The following FGD4 variants were observed in gnomAD, a reference collection of about 807,000 sequenced individuals.
FGD4 encodes FYVE, RhoGEF and PH domain-containing protein 4.
Under a neutral mutation model 102.0 loss-of-function variants are expected in FGD4, and 42 were observed. The observed-to-expected ratio is 0.41, with a 90% CI of 0.32 to 0.53. FGD4 has a LOEUF of 0.53. Among genes scored for constraint, FGD4 ranks in the 20% least tolerant of loss-of-function variants. The pLI, the probability that FGD4 is intolerant of heterozygous loss-of-function variation, is 0.21. For missense variants in FGD4, 902 were observed against 1,078.2 expected (o/e 0.84, Z 2.29); for synonymous variants, 380 against 375.7 (o/e 1.01, Z -0.13).
rs530853331 is a variant in FGD4 at position 32,539,937 on chromosome 12, T to C, written c.167-24200T>C. The stretch of plus-strand genomic sequence containing the variant: ...CCCCTTAATGTCTATCAGTAGTTAC[T>C]GATTTATTAGAAATATCATGTTTTT... On this transcript the variant is annotated intron_variant, in intron 1 of 16. Transcript: ENST00000534526. 5.9e-5 allele frequency among the ~76,000 whole-genome samples: 9 copies of C among 152,344 alleles called. No homozygotes were observed. In the South Asian group the frequency reaches 1.7e-3, roughly 28 times the overall value.
intron 1 of FGD4, among the ~76,000 whole-genome samples, chr12:32,562,909 G>A (rs1344891249): frequency 4.6e-5 from 7 of 152,088 alleles, no homozygotes; most frequent in African/African-American, 7.2e-5. Context: ...ATCCCGGCCC[G>A]TTCTCAATGA....
intron 1 of FGD4, among the ~76,000 whole-genome samples, chr12:32,489,920 C>G (rs1944033361): frequency 6.6e-6 from 1 of 152,038 alleles, no homozygotes; most frequent in African/African-American, 2.4e-5. Flanking sequence ...ATGTTTTTCT[C>G]CTCTAAGGCT....
In FGD4 at chr12:32,642,842, G is replaced by A. The variant is rs907361043; in HGVS notation, c.*2309G>A. On this transcript the variant is annotated 3_prime_UTR_variant, in exon 17 of 17. Coordinates refer to ENST00000534526, the MANE Select transcript of FGD4 (RefSeq NM_001370298.3). ...TCACTGATGTTTTTACTCAATGAAA[G>A]GTAAAGTAATACCCTTAGCCATTTA... 1.3e-5 allele frequency: 2 copies of A among 152,418 alleles called. No individual in the cohort carries two copies. The highest frequency in any genetic ancestry group is 2.9e-5 in the Non-Finnish European group (2 of 67,928). The allele number at this position is 152,418 out of a possible 1,614,324, so 9.4% of individuals were successfully genotyped here.
intron 1 of FGD4, among the ~76,000 whole-genome samples, chr12:32,540,876 A>G: frequency 6.6e-6 from 1 of 152,040 alleles, no homozygotes. Flanking sequence ...AGGGTCCTTT[A>G]TGCAAGCTAG....
intron 1 of FGD4, among the ~76,000 whole-genome samples, chr12:32,561,075 G>GTTTTTTTTTTTT (rs1218919677): frequency 7.0e-5 from 6 of 85,178 alleles, no homozygotes; most frequent in Non-Finnish European, 1.3e-4. Context: ...GTTGGGTTTT[G>GTTTTTTTTTTTT]TTTTTTTTTT....
At chr12:32,438,734 G>A (rs1391229478) in intron 1 of FGD4, among the ~76,000 whole-genome samples, 1 of 151,746 alleles carries the variant, frequency 6.6e-6, no homozygotes, top group Non-Finnish European at 1.5e-5. Flanking sequence ...GCCTCCTGAG[G>A]AGCTGGGACT....
At chr12:32,532,842 C>A (rs570547170) in intron 1 of FGD4, among the ~76,000 whole-genome samples, 3 of 152,246 alleles carry the variant, frequency 2.0e-5, no homozygotes, top group Admixed American at 6.5e-5. Context: ...CTTTTTTCTC[C>A]ATGTACTATT....
At chr12:32,473,170 G>C (rs1311815834) in intron 1 of FGD4, among the ~76,000 whole-genome samples, 1 of 152,064 alleles carries the variant, frequency 6.6e-6, no homozygotes, top group African/African-American at 2.4e-5. Flanking sequence ...AGGCCACTGG[G>C]CTCTACCAAT....
chr12:32,425,387 G>A (rs1941794459), intron 1 of FGD4, among the ~76,000 whole-genome samples: 1 of 152,124 alleles, frequency 6.6e-6, no homozygotes, highest in African/African-American at 2.4e-5. Context: ...GGTTGTAGGT[G>A]TGTGGCGTTA....
At chr12:32,578,830 TAA>T (rs552651115) in intron 3 of FGD4, among the ~76,000 whole-genome samples, 2 of 142,166 alleles carry the variant, frequency 1.4e-5, no homozygotes, top group Admixed American at 7.1e-5. Flanking sequence ...GACCCTGCCT[TAA>T]AAAAAAAAAA....
At chr12:32,617,943 T>A (rs1410604617) in intron 10 of FGD4, among the ~76,000 whole-genome samples, 1 of 152,236 alleles carries the variant, frequency 6.6e-6, no homozygotes, top group Non-Finnish European at 1.5e-5. Flanking sequence ...TGATCAGAAC[T>A]ATTTTAAGAT....
chr12:32,555,588 T>TC (rs1555202099), intron 1 of FGD4, among the ~76,000 whole-genome samples: 4 of 149,706 alleles, frequency 2.7e-5, no homozygotes, highest in Admixed American at 6.7e-5. Context: ...TTTTTTTTTT[T>TC]CGAGATGGAG....
At chr12:32,426,508 T>G (rs1941842387) in intron 1 of FGD4, among the ~76,000 whole-genome samples, 1 of 152,212 alleles carries the variant, frequency 6.6e-6, no homozygotes, top group South Asian at 2.1e-4. Context: ...TCATCAGGGA[T>G]ATTGGCCTGA....
At chr12:32,456,014 T>A (rs1417898953) in intron 1 of FGD4, among the ~76,000 whole-genome samples, 4 of 152,182 alleles carry the variant, frequency 2.6e-5, no homozygotes, top group Non-Finnish European at 4.4e-5. Flanking sequence ...ACCACTAGTC[T>A]CCATCCAACC....
At chr12:32,480,890 A>G (rs1360871283) in intron 1 of FGD4, among the ~76,000 whole-genome samples, 1 of 150,324 alleles carries the variant, frequency 6.7e-6, no homozygotes, top group Non-Finnish European at 1.5e-5. Context: ...TACAGCCTTG[A>G]CGTCCTGGGC....
chr12:32,520,536 C>T (rs909634684), intron 1 of FGD4, among the ~76,000 whole-genome samples: 6 of 150,920 alleles, frequency 4.0e-5, no homozygotes, highest in African/African-American at 1.5e-4. Flanking sequence ...CCCGGTTTCA[C>T]GCCATTCTCC....
At chr12:32,601,454 T>C (rs1338041841) in intron 6 of FGD4, 31 bp downstream of exon 6, 3 of 1,597,000 alleles carry the variant, frequency 1.9e-6, no homozygotes. Flanking sequence ...ATGATATGTT[T>C]AAGGCAGTCA....
At chr12:32,487,681 C>T (rs1015147142) in intron 1 of FGD4, among the ~76,000 whole-genome samples, 1 of 152,200 alleles carries the variant, frequency 6.6e-6, no homozygotes, top group Admixed American at 6.5e-5. Flanking sequence ...CCCGCCTTTG[C>T]CTCCCAAAAT....
chr12:32,638,805 C>T lies in FGD4; in HGVS notation c.2454+10C>T. The T allele has an allele frequency of 6.2e-7, 1 of 1,613,874 alleles. No homozygotes were observed. ...GTATGGTGCCCCCCAGGTATCTAAA[C>T]CACATCTGTCTGAAGGGACAGATGC... On this transcript the variant is annotated intron_variant, in intron 16 of 16. Transcript: ENST00000534526.
Sources: allele counts gnomAD v4.1 joint callset (sites outside exome capture counted in the v4.1 genomes callset), GRCh38; gene constraint gnomAD v4.1.1; transcripts MANE v1.5; gene names NCBI Gene and HGNC (gene_info 2026-07-23, HGNC 2026-07-21).